The following RFXAP variants were observed in gnomAD, a reference collection of about 807,000 sequenced individuals.
RFXAP encodes the protein regulatory factor X associated protein, also known as regulatory factor X-associated protein.
In RFXAP, 21 loss-of-function variants were observed where a neutral mutation model predicts 25.7. The ratio of observed to expected loss-of-function variants is 0.82; its 90% CI spans 0.58 to 1.18. The LOEUF is 1.18. RFXAP is among the 50% of genes most tolerant of loss of function. The pLI is 0.00. For synonymous variants in RFXAP, 161 were observed against 152.2 expected (o/e 1.06, Z -0.43); for missense variants, 333 against 363.0 (o/e 0.92, Z 0.67).
chr13:36,827,269 A>T (rs1315900318), intron 2 of RFXAP, among the ~76,000 whole-genome samples: 2 of 152,084 alleles, frequency 1.3e-5, no homozygotes, highest in African/African-American at 2.4e-5. Flanking sequence ...CTATTTTCAC[A>T]TGTGGCCCCC....
intron 1 of RFXAP, among the ~76,000 whole-genome samples, chr13:36,821,110 G>C (rs1183516205): frequency 6.6e-6 from 1 of 151,490 alleles, no homozygotes; most frequent in Non-Finnish European, 1.5e-5. Flanking sequence ...TACTTGGGAG[G>C]GTGAAGTGGG....
intron 1 of RFXAP, among the ~76,000 whole-genome samples, chr13:36,824,986 A>T (rs554971292): frequency 6.6e-6 from 1 of 152,300 alleles, no homozygotes; most frequent in Non-Finnish European, 1.5e-5. Flanking sequence ...TTTGCCTCTG[A>T]GTTCATATAT....
chr13:36,819,591 C>T lies in RFXAP; in HGVS notation c.234C>T (p.Ala78=), dbSNP rs1459922829. The change falls in exon 1 of 3, where the codon GCC becomes GCT. Residue 78 remains alanine (A), a synonymous_variant. Transcript: ENST00000255476. ...CCGTTAGGTACCTGTGCGAAGGGGC[C>T]GGGGATGGCGAAGAGGAGGCTGGGG... ...GKPVRYLCEG[A]GDGEEEAGED... 5 of 1,535,122 alleles carry T rather than the reference C, an allele frequency of 3.3e-6. No individual in the cohort carries two copies.
chr13:36,821,223 A>G (rs2057961086), intron 1 of RFXAP, among the ~76,000 whole-genome samples: 1 of 116,998 alleles, frequency 8.5e-6, no homozygotes, highest in Non-Finnish European at 1.8e-5. Context: ...TTAAAAAAAA[A>G]AAAAAAAAAA....
chr13:36,826,050 GTAGTCCTGGCTACTC>G (rs1198735044), intron 2 of RFXAP, among the ~76,000 whole-genome samples: 5 of 152,122 alleles, frequency 3.3e-5, no homozygotes, highest in African/African-American at 9.7e-5. Flanking sequence ...GTATGTAGCT[GTAGTCCTGGCTACTC>G]AAGAGGCTGA....
At chr13:36,824,694 T>C (rs1477628844) in intron 1 of RFXAP, among the ~76,000 whole-genome samples, 1 of 152,174 alleles carries the variant, frequency 6.6e-6, no homozygotes, top group East Asian at 1.9e-4. Flanking sequence ...GTATTTAAGA[T>C]GCTGTCAGGT....
rs145000252 is a variant in RFXAP at position 36,823,201 on chromosome 13, G to A, written c.601-2227G>A. Among the ~76,000 whole-genome samples, 38 of 152,348 alleles carry A rather than the reference G, an allele frequency of 2.5e-4. No individual in the cohort carries two copies. In the East Asian group the frequency reaches 6.2e-3, roughly 25 times the overall value. On this transcript the variant is annotated intron_variant, in intron 1 of 2. Transcript: ENST00000255476. ...CAAGTATTGTACTCAAACGCAAGCA[G>A]TCTTATTCTAGAGCTTTCACTTTTA...
Position 36,819,831 on chromosome 13 carries a change from A to G in RFXAP, c.474A>G (p.Lys158=). ...ETTSQVAKQR[K]PWMCKKHRNK... is the part of the protein sequence containing the mutation. The stretch of plus-strand genomic sequence containing the variant: ...CGAGCCAGGTGGCCAAGCAGCGCAA[A>G]CCGTGGATGTGCAAGAAACACCGCA... The change falls in exon 1 of 3, where the codon AAA becomes AAG. Residue 158 remains lysine (K), a synonymous_variant. Transcript: ENST00000255476. 1 of 1,604,914 alleles carries G rather than the reference A, an allele frequency of 6.2e-7. No individual in the cohort carries two copies.
At chr13:36,824,036 G>C (rs1010532993) in intron 1 of RFXAP, among the ~76,000 whole-genome samples, 7 of 152,204 alleles carry the variant, frequency 4.6e-5, no homozygotes, top group Non-Finnish European at 8.8e-5. Flanking sequence ...AACTCTGTAG[G>C]ACAAAAAGCA....
intron 2 of RFXAP, among the ~76,000 whole-genome samples, chr13:36,825,798 GGC>G (rs2057976335): frequency 6.6e-6 from 1 of 152,148 alleles, no homozygotes; most frequent in African/African-American, 2.4e-5. Context: ...CAAAAATGGT[GGC>G]AAATTGCACA....
chr13:36,826,579 T>C (rs1419460851), intron 2 of RFXAP, among the ~76,000 whole-genome samples: 1 of 152,160 alleles, frequency 6.6e-6, no homozygotes, highest in African/African-American at 2.4e-5. Flanking sequence ...ATTTACAGAA[T>C]GTAAATCCTA....
At position 36,819,649 on chromosome 13, in the gene RFXAP, C is replaced by G. The variant is rs2057955091; in HGVS notation, c.292C>G (p.Pro98Ala). The change falls in exon 1 of 3, where the codon CCT (proline) becomes GCT (alanine). Residue 98 changes from proline (P) to alanine (A), a missense_variant. Physicochemically the swap from Pro to Ala is conservative, Grantham distance 27. Coordinates refer to ENST00000255476, the MANE Select transcript of RFXAP (RefSeq NM_000538.4). Reference protein sequence around the residue: ...DEADLLDTSDPPGGGESAASL... With the variant: ...DEADLLDTSDAPGGGESAASL... ...GGCGGACCTGTTAGACACTTCGGAC[C>G]CTCCGGGGGGAGGCGAGAGCGCGGC... 6.5e-7 allele frequency: 1 copy of G among 1,547,866 alleles called. No homozygotes were observed. The highest frequency in any genetic ancestry group is 8.7e-7 in the Non-Finnish European group (1 of 1,144,518).
At chr13:36,825,278 G>A (rs2057974497) in intron 1 of RFXAP, 150 bp from the exon 2 acceptor site, 1 of 606,222 alleles carries the variant, frequency 1.6e-6, no homozygotes, top group South Asian at 1.7e-5. Flanking sequence ...CTTTGCCTAT[G>A]ATAATGAAGA....
At position 36,819,540 on chromosome 13, in the gene RFXAP, C is replaced by T; in HGVS notation, c.183C>T (p.Pro61=). 1 of 1,522,270 alleles carries T rather than the reference C, an allele frequency of 6.6e-7. No homozygotes were observed. The highest frequency in any genetic ancestry group is 8.8e-7 in the Non-Finnish European group (1 of 1,133,024). 94.3% of individuals were successfully genotyped at this position (1,522,270 alleles called of 1,614,324 possible). Residue 61 remains proline, a synonymous_variant, in exon 1 of 3, where the codon CCC becomes CCT. Coordinates refer to ENST00000255476, the MANE Select transcript of RFXAP (RefSeq NM_000538.4). ...CTGGGCAGGACGAGGCTGCGGCCCC[C>T]GGGGGCAGCGTTGGGGCGGGCAAGC... is the stretch of plus-strand genomic sequence containing the variant. ...PCAGQDEAAA[P]GGSVGAGKPV...
intron 1 of RFXAP, among the ~76,000 whole-genome samples, chr13:36,825,013 C>G (rs1039199729): frequency 6.6e-6 from 1 of 152,082 alleles, no homozygotes; most frequent in Non-Finnish European, 1.5e-5. Flanking sequence ...CAAAGGCAAG[C>G]AGATTATGTT....
At position 36,825,326 on chromosome 13, in the gene RFXAP, G is replaced by A; in HGVS notation, c.601-102G>A. ...TTGCCCAGAGACTGGGCAAGAAGAA[G>A]GAAGAAATGCAAAGACCTGTTCATT... On this transcript the variant is annotated intron_variant, in intron 1 of 2. Coordinates refer to ENST00000255476, the MANE Select transcript of RFXAP (RefSeq NM_000538.4). The A allele has an allele frequency of 3.4e-6, 3 of 882,166 alleles. No homozygotes were observed. The South Asian group carries it at 4.2e-5, about 12-fold the overall frequency. 54.6% of individuals were successfully genotyped at this position (882,166 alleles called of 1,614,324 possible).
At chr13:36,824,233 A>C (rs940607887) in intron 1 of RFXAP, among the ~76,000 whole-genome samples, 4 of 152,178 alleles carry the variant, frequency 2.6e-5, no homozygotes, top group Admixed American at 6.5e-5. Flanking sequence ...TCAGCATTCC[A>C]TTATCTTGCA....
chr13:36,819,510 C>T lies in RFXAP; in HGVS notation c.153C>T (p.Pro51=), dbSNP rs1156670775. ...ASQFTLLVMQ[P]CAGQDEAAAP... is the part of the protein sequence containing the mutation. ...AATTCACCCTGCTAGTGATGCAACCCTGTGCTGGGCAGGACGAGGCTGCGG... is the reference window on the plus strand; with the variant it reads ...AATTCACCCTGCTAGTGATGCAACCTTGTGCTGGGCAGGACGAGGCTGCGG... Residue 51 remains proline (P), a synonymous_variant, in exon 1 of 3, where the codon CCC becomes CCT. Transcript: ENST00000255476. The T allele has an allele frequency of 1.9e-6, 3 of 1,545,602 alleles. No homozygotes were observed. The highest frequency in any genetic ancestry group is 2.4e-5 in the East Asian group (1 of 41,816).
At chr13:36,823,053 C>T (rs1258494414) in intron 1 of RFXAP, among the ~76,000 whole-genome samples, 1 of 152,122 alleles carries the variant, frequency 6.6e-6, no homozygotes, top group East Asian at 1.9e-4. Flanking sequence ...ATGTGTCAAG[C>T]ACTGTGTTAA....
Sources: allele counts gnomAD v4.1 joint callset (sites outside exome capture counted in the v4.1 genomes callset), GRCh38; gene constraint gnomAD v4.1.1; transcripts MANE v1.5; gene names NCBI Gene and HGNC (gene_info 2026-07-23, HGNC 2026-07-21).